ADGRL3: variants seen among roughly 807,000 people sequenced by gnomAD.
The protein encoded by ADGRL3 is adhesion G protein-coupled receptor L3.
Under a neutral mutation model 153.5 loss-of-function variants are expected in ADGRL3, and 62 were observed. That is an observed-to-expected ratio of 0.40 (90% CI 0.33 to 0.50). The LOEUF is 0.50. Among genes scored for constraint, ADGRL3 ranks in the 20% least tolerant of loss-of-function variants. The pLI, the probability that ADGRL3 is intolerant of heterozygous loss-of-function variation, is 0.47. For missense variants in ADGRL3, 1,641 were observed against 1,859.4 expected, an observed-to-expected ratio of 0.88 and a Z score of 2.16; for synonymous variants, 710 against 672.5, an observed-to-expected ratio of 1.06 and a Z score of -0.86.
At chr4:61,859,424 C>T (rs568267102) in intron 9 of ADGRL3, among the ~76,000 whole-genome samples, 14 of 152,190 alleles carry the variant, frequency 9.2e-5, no homozygotes, top group Admixed American at 2.0e-4. Context: ...TTGTTATACT[C>T]CAGTCATGAT....
At chr4:61,691,450 T>A (rs1273090279) in intron 6 of ADGRL3, among the ~76,000 whole-genome samples, 1 of 152,164 alleles carries the variant, frequency 6.6e-6, no homozygotes, top group Non-Finnish European at 1.5e-5. Flanking sequence ...TCCTTTTTTA[T>A]GGATATTGGA....
intron 6 of ADGRL3, among the ~76,000 whole-genome samples, chr4:61,728,079 A>C (rs529226457): frequency 6.1e-4 from 93 of 152,238 alleles, no homozygotes; most frequent in African/African-American, 2.0e-3. Flanking sequence ...TTTCAATGAC[A>C]AATTATGTTG....
At chr4:61,545,717 G>A (rs1419627467) in intron 4 of ADGRL3, among the ~76,000 whole-genome samples, 1 of 152,130 alleles carries the variant, frequency 6.6e-6, no homozygotes, top group Admixed American at 6.5e-5. Flanking sequence ...GTTTGGCTGT[G>A]TTGGCCAGGC....
intron 5 of ADGRL3, among the ~76,000 whole-genome samples, chr4:61,662,933 T>C (rs774216663): frequency 6.6e-6 from 1 of 152,140 alleles, no homozygotes; most frequent in East Asian, 1.9e-4. Context: ...AGCTACCCAC[T>C]GTGGGTCTCC....
intron 4 of ADGRL3, among the ~76,000 whole-genome samples, chr4:61,573,500 T>C (rs2098847506): frequency 6.6e-6 from 1 of 151,984 alleles, no homozygotes; most frequent in Non-Finnish European, 1.5e-5. Flanking sequence ...TTTCTAATTC[T>C]TCCCCCTCTC....
chr4:61,907,633 T>C (rs879411295), intron 11 of ADGRL3, among the ~76,000 whole-genome samples: 2 of 150,662 alleles, frequency 1.3e-5, no homozygotes, highest in African/African-American at 2.4e-5. Flanking sequence ...CATATATATA[T>C]ACACATGATA....
chr4:61,946,669 A>G (rs111832847), intron 15 of ADGRL3, among the ~76,000 whole-genome samples: 3 of 152,318 alleles, frequency 2.0e-5, no homozygotes, highest in Non-Finnish European at 2.9e-5. Context: ...TGTATGATCT[A>G]TCTTAAACTT....
At chr4:61,642,382 T>C (rs1483269032) in intron 5 of ADGRL3, among the ~76,000 whole-genome samples, 1 of 152,220 alleles carries the variant, frequency 6.6e-6, no homozygotes. Context: ...TCCTGAATGG[T>C]AATGCCTAGG....
intron 6 of ADGRL3, among the ~76,000 whole-genome samples, chr4:61,694,007 G>T (rs2095587500): frequency 6.6e-6 from 1 of 151,888 alleles, no homozygotes; most frequent in Admixed American, 6.6e-5. Flanking sequence ...GTAGAATTCT[G>T]CTTCTACAAA....
At chr4:61,276,560 G>T (rs1394498006) in intron 1 of ADGRL3, among the ~76,000 whole-genome samples, 4 of 152,082 alleles carry the variant, frequency 2.6e-5, no homozygotes, top group Non-Finnish European at 4.4e-5. Context: ...CCGCAGATGT[G>T]TTTAAGGAAT....
chr4:61,471,541 C>A (rs1319014820), intron 2 of ADGRL3, among the ~76,000 whole-genome samples: 4 of 151,522 alleles, frequency 2.6e-5, no homozygotes, highest in South Asian at 4.1e-4. Context: ...ATGGAAAAAG[C>A]TGTGATTTTG....
At chr4:61,657,089 A>G (rs1215084493) in intron 5 of ADGRL3, among the ~76,000 whole-genome samples, 2 of 152,184 alleles carry the variant, frequency 1.3e-5, no homozygotes, top group African/African-American at 4.8e-5. Flanking sequence ...GAAATACAGT[A>G]GCCAATAAAA....
rs529743369 is a variant in ADGRL3, at chr4:61,892,680, G to T, written c.1505G>T (p.Gly502Val). 1.1e-5 allele frequency: 18 copies of T among 1,613,816 alleles called. No homozygotes were observed. In the African/African-American group the frequency reaches 1.9e-4, roughly 17 times the overall value. ...VKDISTTGPLGMGSTTTSTTL... is the reference protein window; with the variant it reads ...VKDISTTGPLVMGSTTTSTTL... ...GATATCTCTACCACAGGACCTCTTG[G>T]CATGGGAAGCACTACCACCAGTACC... Residue 502 changes from glycine to valine, a missense_variant, in exon 10 of 27, where the codon GGC becomes GTC. Physicochemically the swap from Gly to Val is moderately radical, Grantham distance 109. Transcript: ENST00000683033.
intron 2 of ADGRL3, among the ~76,000 whole-genome samples, chr4:61,464,721 G>C (rs1560679331): frequency 6.6e-6 from 1 of 152,138 alleles, no homozygotes; most frequent in Non-Finnish European, 1.5e-5. Flanking sequence ...ATATTCTTCA[G>C]TTTTGACCAT....
chr4:61,462,693 T>C (rs2097837602), intron 2 of ADGRL3, among the ~76,000 whole-genome samples: 1 of 152,164 alleles, frequency 6.6e-6, no homozygotes, highest in Non-Finnish European at 1.5e-5. Flanking sequence ...AAGAGAAGAC[T>C]TATGAAAAGT....
chr4:61,861,699 G>C (rs569414165), intron 9 of ADGRL3, among the ~76,000 whole-genome samples: 1 of 152,034 alleles, frequency 6.6e-6, no homozygotes, highest in Non-Finnish European at 1.5e-5. Context: ...ATTCATCTAG[G>C]GCATAGTAGG....
chr4:61,366,033 T>A (rs184383411), intron 1 of ADGRL3, among the ~76,000 whole-genome samples: 1 of 152,206 alleles, frequency 6.6e-6, no homozygotes, highest in East Asian at 1.9e-4. Context: ...CCTATAATTT[T>A]GTTTGGCAAA....
intron 25 of ADGRL3, among the ~76,000 whole-genome samples, chr4:62,048,878 T>C (rs1732613797): frequency 6.6e-6 from 1 of 152,002 alleles, no homozygotes. Flanking sequence ...TAACAATACC[T>C]CTAAAACTTC....
intron 11 of ADGRL3, among the ~76,000 whole-genome samples, chr4:61,899,639 G>C (rs1049439183): frequency 6.6e-5 from 10 of 152,178 alleles, no homozygotes; most frequent in Non-Finnish European, 2.9e-5. Flanking sequence ...CACTTGGACT[G>C]CTATGGTTTA....
Sources: gnomAD v4.1 joint callset for allele counts (sites outside exome capture counted in the v4.1 genomes callset) on GRCh38, gnomAD v4.1.1 for gene constraint, MANE v1.5 for transcripts, NCBI Gene and HGNC (gene_info 2026-07-23, HGNC 2026-07-21) for gene names.